IL21R: variants seen among roughly 807,000 people sequenced by gnomAD.
The protein encoded by IL21R is interleukin 21 receptor.
IL21R carries 14 observed loss-of-function variants against 41.3 expected under a neutral mutation model. The observed-to-expected ratio is 0.34, with a 90% CI of 0.22 to 0.53. IL21R has a LOEUF of 0.53. IL21R is among the 20% of genes least tolerant of loss of function. The probability of loss-of-function intolerance (pLI) is 0.94; values close to 1 mark genes in which losing one functional copy is unlikely to be tolerated. For missense variants in IL21R, 588 were observed against 681.6 expected (o/e 0.86, Z 1.53); for synonymous variants, 286 against 287.6 (o/e 0.99, Z 0.05).
At chr16:27,419,341 AAC>A (rs2086961039) in intron 1 of IL21R, among the ~76,000 whole-genome samples, 1 of 152,202 alleles carries the variant, frequency 6.6e-6, no homozygotes, top group Non-Finnish European at 1.5e-5. Flanking sequence ...CAGTGGCAAA[AAC>A]ACACATGGAG....
In IL21R at chr16:27,434,347, G is replaced by C; in HGVS notation, c.50G>C (p.Gly17Ala). 6 of 1,610,816 alleles carry C rather than the reference G, an allele frequency of 3.7e-6. No homozygotes were observed. Among genetic ancestry groups the C allele is most frequent in the Non-Finnish European group, 5.1e-6 (6 of 1,177,546 alleles). The change falls in exon 3 of 9, where the codon GGC becomes GCC. Residue 17 changes from glycine (G) to alanine (A), a missense_variant and splice_region_variant. Transcript: ENST00000337929. ...APLLLLLLQGGWGCPDLVCYT... is the reference protein window; with the variant it reads ...APLLLLLLQGAWGCPDLVCYT... ...GCCTCTCTCCCCACTGACCCTCCAG[G>C]CTGGGGCTGCCCCGACCTCGTCTGC...
At position 27,416,289 on chromosome 16, in the gene IL21R, AC is replaced by A. The variant is rs1433769897; in HGVS notation, c.-17+13673del. On this transcript the variant is annotated intron_variant, in intron 1 of 8. Transcript: ENST00000337929. ...GTAGCCTACACTACAGGTTTGCGCCACCACACCTGGCTAATTTTTTGTGTTT... is the reference window on the plus strand; with the variant it reads ...GTAGCCTACACTACAGGTTTGCGCCACACACCTGGCTAATTTTTTGTGTTT... Among the ~76,000 whole-genome samples, 110 of 152,142 alleles carry A rather than the reference AC, an allele frequency of 7.2e-4. 1 individual carries two copies. Among genetic ancestry groups the A allele is most frequent in the Non-Finnish European group, 2.1e-4 (14 of 67,982 alleles).
intron 1 of IL21R, among the ~76,000 whole-genome samples, chr16:27,417,158 C>CTTTTTTTTTTTTTTTTT: frequency 1.0e-5 from 1 of 99,580 alleles, no homozygotes; most frequent in Non-Finnish European, 2.0e-5. Flanking sequence ...TTTCTTTTTT[C>CTTTTTTTTTTTTTTTTT]TTTTCTTTTT....
Position 27,448,897 on chromosome 16 carries a change from AG to A in IL21R, c.1232del (p.Ser411ThrfsTer4), listed in dbSNP as rs1387584850. The A allele has an allele frequency of 6.2e-7, 1 of 1,611,980 alleles. No individual in the cohort carries two copies. Among genetic ancestry groups the A allele is most frequent in the Non-Finnish European group, 8.5e-7 (1 of 1,179,198 alleles). ...ALDLDAGLEP[S>X]PGLEDPLLDA... is the part of the protein sequence containing the mutation. ...GGACCTGGATGCTGGCCTGGAGCCC[AG>A]CCCAGGCCTAGAGGACCCACTCTTG... is the stretch of plus-strand genomic sequence containing the variant. On this transcript the variant is annotated frameshift_variant, in exon 9 of 9. Coordinates refer to ENST00000337929, the MANE Select transcript of IL21R (RefSeq NM_181078.3). LOFTEE classifies it low-confidence loss of function (END_TRUNC).
At chr16:27,445,095 A>C (rs1567372551) in intron 6 of IL21R, 82 bp from the exon 7 acceptor site, 1 of 946,336 alleles carries the variant, frequency 1.1e-6, no homozygotes, top group Non-Finnish European at 1.7e-6. Context: ...ACTCTACCCC[A>C]GACCCATTTC....
chr16:27,424,981 T>C (rs2087051988), intron 1 of IL21R, among the ~76,000 whole-genome samples: 2 of 152,160 alleles, frequency 1.3e-5, no homozygotes, highest in African/African-American at 4.8e-5. Context: ...CACGCACTTC[T>C]GAACAATTAG....
In IL21R at chr16:27,433,343, G is replaced by C. The variant is rs2087208035; in HGVS notation, c.50-1004G>C. ...TATCCAGGCATGGTGGTGCACAACT[G>C]TAGTCTCAGCTACTCAGGAAGTTGA... On this transcript the variant is annotated intron_variant, in intron 2 of 8. Coordinates refer to ENST00000337929, the MANE Select transcript of IL21R (RefSeq NM_181078.3). 1.3e-5 allele frequency among the ~76,000 whole-genome samples: 2 copies of C among 152,128 alleles called. 1 individual carries two copies. Among genetic ancestry groups the C allele is most frequent in the African/African-American group, 4.8e-5 (2 of 41,418 alleles).
chr16:27,419,345 C>T (rs1001733111), intron 1 of IL21R, among the ~76,000 whole-genome samples: 2 of 152,228 alleles, frequency 1.3e-5, no homozygotes, highest in Non-Finnish European at 2.9e-5. Context: ...GGCAAAAACA[C>T]ACATGGAGCT....
chr16:27,442,019 A>G (rs1175048162), intron 4 of IL21R, among the ~76,000 whole-genome samples: 1 of 152,136 alleles, frequency 6.6e-6, no homozygotes, highest in African/African-American at 2.4e-5. Context: ...CTCTAGGGGG[A>G]AAAAACCCTT....
chr16:27,436,475 G>T (rs2087273438), intron 3 of IL21R, among the ~76,000 whole-genome samples: 1 of 152,194 alleles, frequency 6.6e-6, no homozygotes, highest in African/African-American at 2.4e-5. Context: ...GGGAGGCTTG[G>T]AGAGCATTTA....
chr16:27,426,170 C>A lies in IL21R; in HGVS notation c.-16-3886C>A, dbSNP rs3093285. Among the ~76,000 whole-genome samples, 800 of 152,304 alleles carry A rather than the reference C, an allele frequency of 5.3e-3. 12 individuals carry two copies. The highest frequency in any genetic ancestry group is 0.019 in the African/African-American group (771 of 41,564). ...ACAGATGAGGCCCAGAAAGGTTAAG[C>A]AAACTGCCCAAGGCCACAAAGCCTA... is the stretch of plus-strand genomic sequence containing the variant. On this transcript the variant is annotated intron_variant, in intron 1 of 8. Coordinates refer to ENST00000337929, the MANE Select transcript of IL21R (RefSeq NM_181078.3).
intron 1 of IL21R, among the ~76,000 whole-genome samples, chr16:27,419,604 T>C (rs772291728): frequency 2.6e-5 from 4 of 152,132 alleles, no homozygotes; most frequent in Non-Finnish European, 4.4e-5. Flanking sequence ...ATTTTTGTAT[T>C]TTTAGTAGAG....
intron 4 of IL21R, among the ~76,000 whole-genome samples, chr16:27,441,303 G>GAATTTA (rs1321304337): frequency 6.6e-6 from 1 of 152,214 alleles, no homozygotes; most frequent in East Asian, 1.9e-4. Context: ...TACAAGAGAG[G>GAATTTA]AATTTAAGGC....
intron 7 of IL21R, 63 bp from the exon 8 acceptor site, chr16:27,445,944 C>A: frequency 7.3e-7 from 1 of 1,361,884 alleles, no homozygotes. Context: ...GGGGAGCGTC[C>A]GAATGGGAGG....
At chr16:27,443,181 A>T in intron 5 of IL21R, 65 bp downstream of exon 5, 1 of 1,419,098 alleles carries the variant, frequency 7.0e-7, no homozygotes, top group Non-Finnish European at 9.6e-7. Context: ...GTGCAAAGGC[A>T]TCTGGGTGGG....
intron 5 of IL21R, among the ~76,000 whole-genome samples, chr16:27,443,323 A>G (rs2087423483): frequency 6.6e-6 from 1 of 152,122 alleles, no homozygotes; most frequent in Non-Finnish European, 1.5e-5. Flanking sequence ...TGTCCTCCCC[A>G]AACTGGTCTC....
rs377159521 is a variant in IL21R at position 27,402,750 on chromosome 16, A to T, written c.-17+132A>T. On this transcript the variant is annotated intron_variant, in intron 1 of 8. Transcript: ENST00000337929. ...CTGTGCCCAAGTCACAATTGGGGACACTGAGGCAAAGAAGATTCATGCAGT... is the reference window on the plus strand; with the variant it reads ...CTGTGCCCAAGTCACAATTGGGGACTCTGAGGCAAAGAAGATTCATGCAGT... 10 of 217,210 alleles carry T rather than the reference A, an allele frequency of 4.6e-5. 1 individual carries two copies. The highest frequency in any genetic ancestry group is 2.3e-4 in the East Asian group (2 of 8,550). 13.5% of individuals were successfully genotyped at this position (217,210 alleles called of 1,614,324 possible). A position where few individuals can be genotyped will look rare whatever the true frequency, so the allele number is the denominator to read the frequency against.
intron 8 of IL21R, 120 bp from the exon 9 acceptor site, chr16:27,448,414 C>T: frequency 1.9e-6 from 2 of 1,050,174 alleles, no homozygotes; most frequent in Non-Finnish European, 2.7e-6. Flanking sequence ...GAGATGGCAC[C>T]ACTGCATTCC....
chr16:27,440,287 A>AGCGCGC (rs1352694699), intron 4 of IL21R, among the ~76,000 whole-genome samples: 1 of 102,716 alleles, frequency 9.7e-6, no homozygotes, highest in South Asian at 2.7e-4. Context: ...AGAGCGAGCA[A>AGCGCGC]GCGCGCGCCA....
Sources: allele counts gnomAD v4.1 joint callset (sites outside exome capture counted in the v4.1 genomes callset), GRCh38; gene constraint gnomAD v4.1.1; transcripts MANE v1.5; gene names NCBI Gene and HGNC (gene_info 2026-07-23, HGNC 2026-07-21).